The following PACRG variants were observed in gnomAD, a reference collection of about 807,000 sequenced individuals.
PACRG encodes parkin coregulated.
PACRG carries 29 observed loss-of-function variants against 29.7 expected under a neutral mutation model. The ratio of observed to expected loss-of-function variants is 0.98; its 90% CI spans 0.73 to 1.33. PACRG has a LOEUF of 1.33. Ranked by LOEUF, PACRG falls within the 40% of genes most tolerant of loss-of-function variation. The pLI is 0.00. For missense variants in PACRG, 279 were observed against 316.2 expected, an observed-to-expected ratio of 0.88 and a Z score of 0.89; for synonymous variants, 116 against 118.7, an observed-to-expected ratio of 0.98 and a Z score of 0.15.
intron 4 of PACRG, among the ~76,000 whole-genome samples, chr6:163,211,717 G>T (rs559100432): frequency 6.6e-6 from 1 of 152,298 alleles, no homozygotes; most frequent in South Asian, 2.1e-4. Context: ...AGTTACCAAT[G>T]TAAGCAGTCG....
intron 4 of PACRG, among the ~76,000 whole-genome samples, chr6:163,279,110 G>A (rs1396384014): frequency 6.6e-6 from 1 of 152,154 alleles, no homozygotes; most frequent in Non-Finnish European, 1.5e-5. Flanking sequence ...TGTGAAAGGG[G>A]TTGAGTTCCC....
At chr6:162,890,113 A>T (rs906062585) in intron 2 of PACRG, among the ~76,000 whole-genome samples, 1 of 152,246 alleles carries the variant, frequency 6.6e-6, no homozygotes, top group Non-Finnish European at 1.5e-5. Context: ...ACATTGAGAG[A>T]CTATTGCCAT....
At chr6:163,176,544 G>C (rs1779366557) in intron 4 of PACRG, among the ~76,000 whole-genome samples, 1 of 152,064 alleles carries the variant, frequency 6.6e-6, no homozygotes, top group Non-Finnish European at 1.5e-5. Flanking sequence ...AGCTGGAAAA[G>C]AAAGAAAGGG....
intron 4 of PACRG, chr6:163,090,345 C>G (rs1005655397): frequency 5.3e-5 from 8 of 152,142 alleles, no homozygotes; most frequent in African/African-American, 1.9e-4. Flanking sequence ...AGCTCTCTTT[C>G]AGTAGTAGAA....
intron 2 of PACRG, among the ~76,000 whole-genome samples, chr6:162,942,435 C>T (rs1026009582): frequency 1.3e-5 from 2 of 151,990 alleles, no homozygotes; most frequent in African/African-American, 2.4e-5. Context: ...CTGCATTTAC[C>T]TGGGTATTTT....
chr6:163,077,123 C>G (rs1254936135), intron 3 of PACRG, among the ~76,000 whole-genome samples: 1 of 152,180 alleles, frequency 6.6e-6, no homozygotes, highest in South Asian at 2.1e-4. Context: ...ATAAGACTCT[C>G]TCATATGAAA....
chr6:163,237,535 G>C (rs138426143), intron 4 of PACRG, among the ~76,000 whole-genome samples: 1 of 152,290 alleles, frequency 6.6e-6, no homozygotes, highest in African/African-American at 2.4e-5. Flanking sequence ...TGTTGAAAAT[G>C]AATGTAAGGC....
chr6:163,219,548 T>C (rs1781492409), intron 4 of PACRG, among the ~76,000 whole-genome samples: 1 of 152,210 alleles, frequency 6.6e-6, no homozygotes, highest in Admixed American at 6.5e-5. Flanking sequence ...CTTGCTTAAA[T>C]ACCTCCCAAT....
chr6:163,292,891 G>A (rs542180916), intron 4 of PACRG, among the ~76,000 whole-genome samples: 143 of 152,268 alleles, frequency 9.4e-4, no homozygotes, highest in African/African-American at 3.4e-3. Flanking sequence ...CTTGTGCGTT[G>A]CTATTACAGA....
At chr6:162,887,200 A>G (rs895389387) in intron 2 of PACRG, among the ~76,000 whole-genome samples, 5 of 152,112 alleles carry the variant, frequency 3.3e-5, no homozygotes, top group African/African-American at 1.2e-4. Flanking sequence ...TGATCTGTCC[A>G]CCTTGGCCTC....
chr6:162,975,024 G>C (rs2128164316), intron 2 of PACRG, among the ~76,000 whole-genome samples: 1 of 152,242 alleles, frequency 6.6e-6, no homozygotes, highest in East Asian at 1.9e-4. Context: ...TCTGACTTTT[G>C]CTGAGAACTT....
chr6:163,131,678 C>T (rs377731193), intron 4 of PACRG, among the ~76,000 whole-genome samples: 8 of 152,226 alleles, frequency 5.3e-5, no homozygotes, highest in African/African-American at 1.9e-4. Context: ...ATGTTAAGAG[C>T]CCTCAGCTGT....
chr6:162,907,512 T>G lies in PACRG; in HGVS notation c.291+93231T>G, dbSNP rs551208097. ...AAAATGCTTCCTACACATTTAGCCA[T>G]TAGATTTTAGTCCTCAGCAGGCAGG... On this transcript the variant is annotated intron_variant, in intron 2 of 4. Transcript: ENST00000366888. 1.1e-4 allele frequency among the ~76,000 whole-genome samples: 16 copies of G among 152,204 alleles called. No individual in the cohort carries two copies. The South Asian group carries it at 2.5e-3, about 24-fold the overall frequency.
intron 2 of PACRG, among the ~76,000 whole-genome samples, chr6:162,882,092 G>C (rs1038125945): frequency 4.6e-5 from 6 of 131,504 alleles, no homozygotes; most frequent in Non-Finnish European, 8.0e-5. Context: ...GACTCGGGGT[G>C]GGGGGGCGCA....
chr6:162,933,319 A>T (rs1372215328), intron 2 of PACRG, among the ~76,000 whole-genome samples: 1 of 152,056 alleles, frequency 6.6e-6, no homozygotes, highest in East Asian at 1.9e-4. Context: ...GAATGTGTAT[A>T]TTACAGTTGA....
intron 2 of PACRG, among the ~76,000 whole-genome samples, chr6:163,050,784 A>C (rs1585094189): frequency 2.0e-5 from 3 of 152,074 alleles, no homozygotes; most frequent in Non-Finnish European, 4.4e-5. Context: ...TTTTATTGTA[A>C]ACTGTCTTTT....
chr6:162,769,605 TAAG>T (rs1365009119), intron 1 of PACRG, among the ~76,000 whole-genome samples: 1 of 152,046 alleles, frequency 6.6e-6, no homozygotes, highest in Non-Finnish European at 1.5e-5. Flanking sequence ...CATGCACTGG[TAAG>T]AAGAATGTCT....
chr6:162,727,317 G>C (rs866480179), upstream of PACRG: 7 of 371,162 alleles, frequency 1.9e-5, no homozygotes, highest in African/African-American at 1.1e-4. Flanking sequence ...CGGGGCGAAG[G>C]TGAGGGGCGG....
At chr6:162,842,425 C>CT (rs1055718777) in intron 2 of PACRG, among the ~76,000 whole-genome samples, 3 of 151,390 alleles carry the variant, frequency 2.0e-5, no homozygotes, top group African/African-American at 4.9e-5. Context: ...CAGCCCCTGC[C>CT]TTTTTTTGTT....
Sources: allele counts gnomAD v4.1 joint callset (sites outside exome capture counted in the v4.1 genomes callset), GRCh38; gene constraint gnomAD v4.1.1; transcripts MANE v1.5; gene names NCBI Gene and HGNC (gene_info 2026-07-23, HGNC 2026-07-21).